The following PDXDC1 variants were observed in gnomAD, a reference collection of about 807,000 sequenced individuals.
The protein encoded by PDXDC1 is pyridoxal-dependent decarboxylase domain-containing protein 1.
A neutral mutation model predicts 100.1 loss-of-function variants in PDXDC1; 42 were observed. That is an observed-to-expected ratio of 0.42 (90% CI 0.33 to 0.54). PDXDC1 has a LOEUF of 0.54. Among genes scored for constraint, PDXDC1 ranks in the 20% least tolerant of loss-of-function variants. The probability of loss-of-function intolerance (pLI) is 0.10; values close to 1 mark genes in which losing one functional copy is unlikely to be tolerated. For synonymous variants in PDXDC1, 260 were observed against 371.7 expected (o/e 0.70, Z 3.46); for missense variants, 636 against 979.2 (o/e 0.65, Z 4.68).
intron 16 of PDXDC1, chr16:15,074,903 T>C (rs4985147): frequency 0.58 from 897,175 of 1,555,326 alleles, 264,170 homozygotes; most frequent in Admixed American, 0.67. Flanking sequence ...AAAAATTCAA[T>C]GTCAAAGTGG....
At chr16:15,028,993 C>T (rs2151617450) in intron 15 of PDXDC1, 27 bp downstream of exon 15, 1 of 1,605,168 alleles carries the variant, frequency 6.2e-7, no homozygotes, top group Admixed American at 1.7e-5. Context: ...CCCCCCTTTC[C>T]TTTCAGGTCC....
the PDXDC1 span, among the ~76,000 whole-genome samples, chr16:15,149,032 C>G: frequency 6.6e-6 from 1 of 152,372 alleles, no homozygotes; most frequent in East Asian, 1.9e-4. Flanking sequence ...AGACCCGGCT[C>G]AGGGACCCCG....
intron 16 of PDXDC1, among the ~76,000 whole-genome samples, chr16:15,119,417 G>GT (rs371785165): frequency 0.016 from 2,242 of 137,894 alleles, 43 homozygotes; most frequent in Middle Eastern, 0.04. Context: ...AATTTTTTTT[G>GT]TTTTTTTTTT....
intron 16 of PDXDC1, among the ~76,000 whole-genome samples, chr16:15,084,396 C>G (rs1320852894): frequency 6.6e-6 from 1 of 151,986 alleles, no homozygotes; most frequent in Non-Finnish European, 1.5e-5. Context: ...AAGATAAAAG[C>G]AAAATTCCAA....
intron 16 of PDXDC1, chr16:15,055,925 G>GC (rs1178678990): frequency 8.1e-7 from 1 of 1,232,326 alleles, no homozygotes; most frequent in Non-Finnish European, 1.0e-6. Flanking sequence ...GAGGTCCCCG[G>GC]CTGACTGCGG....
intron 21 of PDXDC1, 108 bp downstream of exon 21, chr16:15,034,661 T>A (rs981346234): frequency 1.2e-6 from 1 of 823,018 alleles, no homozygotes; most frequent in South Asian, 1.5e-5. Flanking sequence ...GTTCCCGTTC[T>A]TCATCACTGG....
chr16:15,040,962 C>T (rs539021847), downstream of PDXDC1: 378 of 809,374 alleles, frequency 4.7e-4, 7 homozygotes, highest in South Asian at 2.9e-3. Flanking sequence ...GATCTGAACC[C>T]AAAGCTGTCC....
chr16:15,144,713 G>A, the PDXDC1 span, among the ~76,000 whole-genome samples: 3 of 152,192 alleles, frequency 2.0e-5, no homozygotes, highest in South Asian at 6.2e-4. Context: ...GGGACCCACA[G>A]GCAGGCACAG....
chr16:15,140,809 C>G (rs1322453313), downstream of PDXDC1, among the ~76,000 whole-genome samples: 1 of 152,100 alleles, frequency 6.6e-6, no homozygotes, highest in East Asian at 1.9e-4. Context: ...CCCACGCACT[C>G]CCAGTAGTGC....
At position 15,034,266 on chromosome 16, in the gene PDXDC1, C is replaced by T; in HGVS notation, c.1813-20C>T. The T allele has an allele frequency of 6.2e-7, 1 of 1,609,946 alleles. No individual in the cohort carries two copies. The highest frequency in any genetic ancestry group is 2.0e-4 in the Middle Eastern group (1 of 5,074). On this transcript the variant is annotated intron_variant, in intron 19 of 22. Transcript: ENST00000396410. ...GGTGAGAACCTTAAACAAGTAATGTCTTTCTTGGTCTTGCCACAGCTTCTG... is the reference window on the plus strand; with the variant it reads ...GGTGAGAACCTTAAACAAGTAATGTTTTTCTTGGTCTTGCCACAGCTTCTG...
chr16:15,082,068 G>A (rs1314139905), intron 16 of PDXDC1, among the ~76,000 whole-genome samples: 1 of 152,156 alleles, frequency 6.6e-6, no homozygotes, highest in Non-Finnish European at 1.5e-5. Flanking sequence ...GAGAGTTTAC[G>A]CCTTCCTTTC....
At chr16:14,984,126 G>A (rs1158025876) in intron 1 of PDXDC1, among the ~76,000 whole-genome samples, 2 of 152,154 alleles carry the variant, frequency 1.3e-5, no homozygotes, top group Non-Finnish European at 2.9e-5. Flanking sequence ...TAGTGCCGCT[G>A]CACTTGGCCT....
Position 15,079,986 on chromosome 16 carries a change from C to T in PDXDC1, c.1399+49930C>T, listed in dbSNP as rs767678833. The T allele has an allele frequency of 6.3e-6, 10 of 1,580,478 alleles. No homozygotes were observed. In the East Asian group the frequency reaches 2.2e-4, roughly 35 times the overall value. On this transcript the variant is annotated intron_variant, in intron 16 of 16. Coordinates refer to the PDXDC1 transcript ENST00000535621. ...AGTAAATGAAAATAAAAATAGATTACTCAATACTTACATCCAACTTGAGTA... is the reference window on the plus strand; with the variant it reads ...AGTAAATGAAAATAAAAATAGATTATTCAATACTTACATCCAACTTGAGTA...
chr16:15,024,093 G>A (rs2042402982), intron 13 of PDXDC1, among the ~76,000 whole-genome samples: 1 of 152,406 alleles, frequency 6.6e-6, no homozygotes, highest in Admixed American at 6.5e-5. Flanking sequence ...AGTGGTGCTA[G>A]TTAATCACCA....
chr16:15,098,681 C>T (rs1344541317), intron 16 of PDXDC1, among the ~76,000 whole-genome samples: 2 of 151,760 alleles, frequency 1.3e-5, no homozygotes, highest in Non-Finnish European at 2.9e-5. Flanking sequence ...GAGTTCGAGA[C>T]CAGCCTGACC....
chr16:15,001,909 A>G, intron 4 of PDXDC1, 53 bp downstream of exon 4: 2 of 1,467,270 alleles, frequency 1.4e-6, no homozygotes, highest in South Asian at 2.5e-5. Flanking sequence ...TGATTTCAGT[A>G]GTGATTGCGC....
chr16:15,002,967 A>G (rs1326256204), intron 4 of PDXDC1, among the ~76,000 whole-genome samples: 1 of 152,268 alleles, frequency 6.6e-6, no homozygotes, highest in Non-Finnish European at 1.5e-5. Context: ...TTATATTTCT[A>G]GGAACTGTCT....
rs79293274 is a variant in PDXDC1 at position 15,071,291 on chromosome 16, C to G, written c.1399+41235C>G. 160 of 1,544,620 alleles carry G rather than the reference C, an allele frequency of 1.0e-4. 2 individuals are homozygous for G. The East Asian group carries it at 3.6e-3, about 35-fold the overall frequency. ...GGCGTCGGTGTGATCTTTTTTAATG[C>G]CTAAGATAATCTGGCTATCAAAATC... On this transcript the variant is annotated intron_variant, in intron 16 of 16. Transcript: ENST00000535621.
At chr16:15,001,314 C>A (rs1973094651) in intron 3 of PDXDC1, among the ~76,000 whole-genome samples, 2 of 152,244 alleles carry the variant, frequency 1.3e-5, no homozygotes. Flanking sequence ...CATGGTGAAA[C>A]CCCATCTCTA....
Sources: gnomAD v4.1 joint callset for allele counts (sites outside exome capture counted in the v4.1 genomes callset) on GRCh38, gnomAD v4.1.1 for gene constraint, MANE v1.5 for transcripts, NCBI Gene and HGNC (gene_info 2026-07-23, HGNC 2026-07-21) for gene names.